EDAR: variants seen among roughly 807,000 people sequenced by gnomAD.
EDAR encodes the protein tumor necrosis factor receptor superfamily member EDAR.
In EDAR, 38 loss-of-function variants were observed where a neutral mutation model predicts 51.3. The observed-to-expected ratio is 0.74, with a 90% CI of 0.57 to 0.97. EDAR has a LOEUF of 0.97. EDAR is among the 50% of genes least tolerant of loss of function. The pLI is 0.00. For synonymous variants in EDAR, 227 were observed against 242.1 expected (o/e 0.94, Z 0.58); for missense variants, 528 against 595.0 (o/e 0.89, Z 1.17).
chr2:108,952,586 G>T (rs185928681), intron 1 of EDAR, among the ~76,000 whole-genome samples: 3 of 152,240 alleles, frequency 2.0e-5, no homozygotes, highest in Non-Finnish European at 1.5e-5. Flanking sequence ...CACTTGCTCT[G>T]CTGAGATTCT....
At chr2:108,960,508 G>A (rs1698017770) in intron 1 of EDAR, among the ~76,000 whole-genome samples, 1 of 152,214 alleles carries the variant, frequency 6.6e-6, no homozygotes, top group African/African-American at 2.4e-5. Context: ...AGGAGCCAGG[G>A]CAGGGTGCAC....
chr2:108,903,133 G>A (rs1219486965), intron 11 of EDAR, among the ~76,000 whole-genome samples: 1 of 152,140 alleles, frequency 6.6e-6, no homozygotes, highest in East Asian at 1.9e-4. Context: ...AATTTAAATT[G>A]TCGTTTACAG....
intron 1 of EDAR, among the ~76,000 whole-genome samples, chr2:108,971,211 G>T (rs182940723): frequency 3.9e-4 from 60 of 152,278 alleles, no homozygotes; most frequent in Non-Finnish European, 6.5e-4. Context: ...ATGAGGGTGG[G>T]AATCATCTTT....
chr2:108,933,062 C>T lies in EDAR; in HGVS notation c.-18-2030G>A, dbSNP rs114070144. ...TATCATTGCAACAAATAAACACCCA[C>T]AAAAAATCCAAAGGAACTTCAGTTT... On this transcript the variant is annotated intron_variant, in intron 1 of 11. Coordinates refer to ENST00000258443, the MANE Select transcript of EDAR (RefSeq NM_022336.4). Among the ~76,000 whole-genome samples, 1,129 of 152,296 alleles carry T rather than the reference C, an allele frequency of 7.4e-3. 12 individuals carry two copies. The highest frequency in any genetic ancestry group is 0.026 in the African/African-American group (1,075 of 41,552).
chr2:108,913,575 T>C (rs947151121), intron 5 of EDAR, among the ~76,000 whole-genome samples: 19 of 150,758 alleles, frequency 1.3e-4, no homozygotes, highest in Non-Finnish European at 2.1e-4. Flanking sequence ...CACTTTGGGA[T>C]TGTTGTTCAG....
At chr2:108,986,414 T>C (rs1241049778) in intron 1 of EDAR, among the ~76,000 whole-genome samples, 1 of 152,168 alleles carries the variant, frequency 6.6e-6, no homozygotes, top group Non-Finnish European at 1.5e-5. Context: ...CTCTTATTTT[T>C]ATAATCCCTG....
At chr2:108,968,041 C>T (rs1200380151) in intron 1 of EDAR, among the ~76,000 whole-genome samples, 2 of 152,156 alleles carry the variant, frequency 1.3e-5, no homozygotes, top group African/African-American at 4.8e-5. Context: ...AGGACATGCG[C>T]CCACTGTCCC....
intron 1 of EDAR, among the ~76,000 whole-genome samples, chr2:108,942,103 G>GTGTGCT (rs1697611409): frequency 6.6e-6 from 1 of 152,232 alleles, no homozygotes; most frequent in Non-Finnish European, 1.5e-5. Flanking sequence ...GTGTGCTGGG[G>GTGTGCT]GCAGAGGCCC....
chr2:108,939,425 G>A (rs1697545865), intron 1 of EDAR, among the ~76,000 whole-genome samples: 1 of 152,202 alleles, frequency 6.6e-6, no homozygotes, highest in Non-Finnish European at 1.5e-5. Flanking sequence ...GACTTCAAGT[G>A]TCTAGTGCAG....
intron 9 of EDAR, 38 bp from the exon 10 acceptor site, chr2:108,908,057 G>C (rs138636599): frequency 2.7e-5 from 42 of 1,575,392 alleles, no homozygotes; most frequent in Middle Eastern, 1.7e-4. Context: ...GCAGTGCCTG[G>C]GGGGGCTGCA....
intron 1 of EDAR, among the ~76,000 whole-genome samples, chr2:108,962,501 G>C (rs1419082493): frequency 6.6e-6 from 1 of 151,760 alleles, no homozygotes; most frequent in Non-Finnish European, 1.5e-5. Flanking sequence ...GTGAAACCCT[G>C]TCTCTACTAA....
intron 11 of EDAR, among the ~76,000 whole-genome samples, chr2:108,903,073 CA>C (rs1696731226): frequency 6.6e-6 from 1 of 152,094 alleles, no homozygotes. Context: ...GATAAACATA[CA>C]AAAATCAATT....
At position 108,963,959 on chromosome 2, in the gene EDAR, C is replaced by A. The variant is rs541635395; in HGVS notation, c.-19+25001G>T. On this transcript the variant is annotated intron_variant, in intron 1 of 11. Transcript: ENST00000258443. ...CCAATCCTGGACTCACTTCTTGGAC[C>A]ATTTTCCTCAACCATCAGCTGAGGC... is the stretch of plus-strand genomic sequence containing the variant. Among the ~76,000 whole-genome samples the A allele has an allele frequency of 1.5e-4, 23 of 152,328 alleles. No homozygotes were observed. The East Asian group carries it at 4.1e-3, about 27-fold the overall frequency.
intron 1 of EDAR, among the ~76,000 whole-genome samples, chr2:108,939,365 G>T (rs12475005): frequency 0.68 from 103,195 of 151,748 alleles, 37,697 homozygotes; most frequent in Non-Finnish European, 0.82. Context: ...TTTTGTATTT[G>T]TAGTAGAGAT....
Position 108,896,197 on chromosome 2 carries a change from A to G in EDAR, c.*710T>C, listed in dbSNP as rs1696585522. ...TTGCATATTGGTTTTGTATAGAGTG[A>G]GCTCTTCCATTATTGACTGGAAGGC... is the stretch of plus-strand genomic sequence containing the variant. On this transcript the variant is annotated 3_prime_UTR_variant, in exon 12 of 12. Coordinates refer to ENST00000258443, the MANE Select transcript of EDAR (RefSeq NM_022336.4). 1 of 152,296 alleles carries G rather than the reference A, an allele frequency of 6.6e-6. No homozygotes were observed. The highest frequency in any genetic ancestry group is 2.1e-4 in the South Asian group (1 of 4,826). The allele number at this position is 152,296 out of a possible 1,614,324, so 9.4% of individuals were successfully genotyped here. A position where few individuals can be genotyped will look rare whatever the true frequency, so the allele number is the denominator to read the frequency against.
chr2:108,898,920 G>C (rs1696651668), intron 11 of EDAR, among the ~76,000 whole-genome samples: 1 of 152,142 alleles, frequency 6.6e-6, no homozygotes, highest in African/African-American at 2.4e-5. Context: ...AGAGCCTTAG[G>C]GAACTGTGGA....
rs941058240 is a variant in EDAR, at chr2:108,906,422, G to C, written c.964-54C>G. 7 of 1,596,184 alleles carry C rather than the reference G, an allele frequency of 4.4e-6. No individual in the cohort carries two copies. In the East Asian group the frequency reaches 1.6e-4, roughly 36 times the overall value. ...TCCAGAAAGGGGCAACAGTAGAAAG[G>C]AGGCAAATCCTCCATGTCAGCAGGG... On this transcript the variant is annotated intron_variant, in intron 10 of 11. Coordinates refer to ENST00000258443, the MANE Select transcript of EDAR (RefSeq NM_022336.4).
rs116366359 is a variant in EDAR, at chr2:108,966,408, G to A, written c.-19+22552C>T. ...AATGCAGTGGCATTGGAGGCCAGCC[G>A]CAGGCAGAGCTCCTCTGGAGTGACT... On this transcript the variant is annotated intron_variant, in intron 1 of 11. Coordinates refer to ENST00000258443, the MANE Select transcript of EDAR (RefSeq NM_022336.4). 8.7e-4 allele frequency among the ~76,000 whole-genome samples: 133 copies of A among 152,338 alleles called. 1 individual carries two copies. Among genetic ancestry groups the A allele is most frequent in the African/African-American group, 2.9e-3 (122 of 41,588 alleles).
chr2:108,955,267 T>C (rs574476427), intron 1 of EDAR, among the ~76,000 whole-genome samples: 15 of 152,228 alleles, frequency 9.9e-5, no homozygotes, highest in African/African-American at 3.4e-4. Context: ...ATAAATTAAA[T>C]GAGATGATGT....
Sources: gnomAD v4.1 joint callset for allele counts (sites outside exome capture counted in the v4.1 genomes callset) on GRCh38, gnomAD v4.1.1 for gene constraint, MANE v1.5 for transcripts, NCBI Gene and HGNC (gene_info 2026-07-23, HGNC 2026-07-21) for gene names.